The following FKBP11 variants were observed in gnomAD, a reference collection of about 807,000 sequenced individuals.
FKBP11 encodes the protein FKBP prolyl isomerase 11.
FKBP11 carries 21 observed loss-of-function variants against 24.7 expected under a neutral mutation model. The ratio of observed to expected loss-of-function variants is 0.85; its 90% CI spans 0.60 to 1.23. The LOEUF (loss-of-function observed/expected upper bound fraction) is 1.23, where lower values mean the gene tolerates loss of function less well. Ranked by LOEUF, FKBP11 falls within the 50% of genes most tolerant of loss-of-function variation. The pLI, the probability that FKBP11 is intolerant of heterozygous loss-of-function variation, is 0.00. For synonymous variants in FKBP11, 106 were observed against 100.6 expected (o/e 1.05, Z -0.32); for missense variants, 245 against 248.7 (o/e 0.99, Z 0.10).
chr12:48,930,456 T>G (rs1461344076), upstream of FKBP11, among the ~76,000 whole-genome samples: 1 of 152,250 alleles, frequency 6.6e-6, no homozygotes, highest in Non-Finnish European at 1.5e-5. Context: ...CAATAGAAAT[T>G]ACTTTGGTTA....
rs915930274 is a variant in FKBP11 at position 48,924,736 on chromosome 12, G to A, written c.196-88C>T. The A allele has an allele frequency of 2.0e-5, 31 of 1,570,654 alleles. 1 individual carries two copies. In the African/African-American group the frequency reaches 3.4e-4, roughly 17 times the overall value. On this transcript the variant is annotated intron_variant, in intron 2 of 5. Coordinates refer to ENST00000550765, the MANE Select transcript of FKBP11 (RefSeq NM_016594.3). ...CACACACCTGGACCGCTGGGCGGCG[G>A]CAGCCCCCTTAGTGCGGCAGCCTAG...
In FKBP11 at chr12:48,923,802, C is replaced by G. The variant is rs1939889801; in HGVS notation, c.368G>C (p.Gly123Ala). Residue 123 changes from glycine to alanine, a missense_variant, in exon 5 of 6, where the codon GGA (glycine) becomes GCA (alanine). Gly to Ala is a moderately conservative substitution (Grantham distance 60). Coordinates refer to ENST00000550765, the MANE Select transcript of FKBP11 (RefSeq NM_016594.3). Reference sequence around the variant, plus strand: ...ATTACCTGGGACAGATGGTGGAAATCCCCGTTTTCCATAGGCCAAGTGAGA... The same window carrying G: ...ATTACCTGGGACAGATGGTGGAAATGCCCGTTTTCCATAGGCCAAGTGAGA... ...IPSHLAYGKR[G>A]FPPSVPADAV... 6.2e-7 allele frequency: 1 copy of G among 1,613,942 alleles called. No individual in the cohort carries two copies. The highest frequency in any genetic ancestry group is 8.5e-7 in the Non-Finnish European group (1 of 1,179,998).
intron 3 of FKBP11, 62 bp downstream of exon 3, chr12:48,924,499 C>T (rs575568291): frequency 1.5e-5 from 22 of 1,493,764 alleles, no homozygotes; most frequent in South Asian, 6.8e-5. Context: ...GCTTTGGAGC[C>T]GAAGAGGCTA....
the FKBP11 span, chr12:48,931,651 A>G: frequency 1.7e-6 from 1 of 595,150 alleles, no homozygotes; most frequent in Non-Finnish European, 2.9e-6. Context: ...CTGGGCTTCC[A>G]AGACTCATGG....
the FKBP11 span, among the ~76,000 whole-genome samples, chr12:48,933,758 G>T: frequency 6.6e-6 from 1 of 150,810 alleles, no homozygotes; most frequent in Admixed American, 6.6e-5. Context: ...CCAGCAACTC[G>T]GAAAAGGCTG....
chr12:48,923,122 T>C, intron 5 of FKBP11: 1 of 1,088,294 alleles, frequency 9.2e-7, no homozygotes, highest in Admixed American at 4.4e-5. Flanking sequence ...CACTCCAGCC[T>C]GGGCAACAAG....
intron 5 of FKBP11, chr12:48,923,279 A>G: frequency 5.0e-6 from 7 of 1,393,646 alleles, no homozygotes; most frequent in Non-Finnish European, 6.5e-6. Context: ...CCCTTCAAAA[A>G]TAGACATCGG....
the FKBP11 span, among the ~76,000 whole-genome samples, chr12:48,932,763 G>A: frequency 6.6e-6 from 1 of 152,146 alleles, no homozygotes; most frequent in Non-Finnish European, 1.5e-5. Flanking sequence ...ATATGGGATG[G>A]AGGGGTGAAG....
chr12:48,923,018 C>T (rs773229109), intron 5 of FKBP11: 33 of 736,590 alleles, frequency 4.5e-5, no homozygotes, highest in Non-Finnish European at 6.3e-5. Context: ...CGTGGTGGCG[C>T]ATGCCTGTAA....
At chr12:48,923,619 AG>A (rs1183548459) in intron 5 of FKBP11, 162 bp downstream of exon 5, 1 of 1,556,454 alleles carries the variant, frequency 6.4e-7, no homozygotes, top group Middle Eastern at 1.7e-4. Context: ...TGGTGATATG[AG>A]GAGGAAAAAG....
the FKBP11 span, chr12:48,938,149 TG>T: frequency 3.0e-6 from 1 of 335,976 alleles, no homozygotes; most frequent in Non-Finnish European, 5.9e-6. Context: ...GGCATCTCCT[TG>T]GGAACAGTCA....
Position 48,925,447 on chromosome 12 carries a change from G to T in FKBP11, c.-19C>A. On this transcript the variant is annotated 5_prime_UTR_variant, in exon 1 of 6. Transcript: ENST00000550765. The stretch of plus-strand genomic sequence containing the variant: ...GGGTCATGACTGGGCGCGGGGCAGG[G>T]AGCCGGGGCACCAGGACAGGCTGTT... The T allele has an allele frequency of 6.5e-7, 1 of 1,549,708 alleles. No individual in the cohort carries two copies. The highest frequency in any genetic ancestry group is 8.7e-7 in the Non-Finnish European group (1 of 1,148,784).
chr12:48,925,000 G>A, intron 2 of FKBP11, 46 bp downstream of exon 2: 3 of 1,578,500 alleles, frequency 1.9e-6, no homozygotes, highest in Non-Finnish European at 2.6e-6. Flanking sequence ...TTTCAGCAGG[G>A]CGCCGCCCCC....
At chr12:48,923,887 GGA>G in intron 4 of FKBP11, 35 bp from the exon 5 acceptor site, 1 of 1,600,202 alleles carries the variant, frequency 6.2e-7, no homozygotes. Flanking sequence ...GCCAGAGGCA[GGA>G]GAGGTAGGCC....
At chr12:48,938,841 C>T in the FKBP11 span, 1 of 1,441,966 alleles carries the variant, frequency 6.9e-7, no homozygotes, top group Non-Finnish European at 9.4e-7. Flanking sequence ...ACATGATACC[C>T]AGGGCCCTGG....
chr12:48,923,824 G>A lies in FKBP11; in HGVS notation c.346C>T (p.His116Tyr). The A allele has an allele frequency of 6.2e-7, 1 of 1,614,140 alleles. No individual in the cohort carries two copies. The highest frequency in any genetic ancestry group is 8.5e-7 in the Non-Finnish European group (1 of 1,180,010). Reference protein sequence around the residue: ...GEKRRAIIPSHLAYGKRGFPP... With the variant: ...GEKRRAIIPSYLAYGKRGFPP... ...AATCCCCGTTTTCCATAGGCCAAGTGAGAAGGAATGATTGCCCTTCGCTTC... is the reference window on the plus strand; with the variant it reads ...AATCCCCGTTTTCCATAGGCCAAGTAAGAAGGAATGATTGCCCTTCGCTTC... The change falls in exon 5 of 6, where the codon CAC (histidine) becomes TAC (tyrosine). Residue 116 changes from histidine to tyrosine, a missense_variant. Transcript: ENST00000550765.
In FKBP11 at chr12:48,924,549, C is replaced by G. The variant is rs1390607084; in HGVS notation, c.283+12G>C. On this transcript the variant is annotated intron_variant, in intron 3 of 5. Transcript: ENST00000550765. ...TTGGGAAGAGGTGGAATGGGAGGCA[C>G]AGGTCACATACCTGGAATCACCTGC... The G allele has an allele frequency of 6.2e-7, 1 of 1,611,502 alleles. No homozygotes were observed. The highest frequency in any genetic ancestry group is 2.2e-5 in the East Asian group (1 of 44,848).
chr12:48,933,630 GGC>G, the FKBP11 span, among the ~76,000 whole-genome samples: 1 of 151,524 alleles, frequency 6.6e-6, no homozygotes, highest in Non-Finnish European at 1.5e-5. Flanking sequence ...GAACCTGAGA[GGC>G]AGAGGTTGCA....
Position 48,925,056 on chromosome 12 carries a change from A to C in FKBP11, c.185T>G (p.Ile62Arg), listed in dbSNP as rs761395463. 7.8e-6 allele frequency: 12 copies of C among 1,535,864 alleles called. No homozygotes were observed. The highest frequency in any genetic ancestry group is 3.5e-5 in the Admixed American group (2 of 57,928). Residue 62 changes from isoleucine (I) to arginine (R), a missense_variant, in exon 2 of 6, where the codon ATA (isoleucine) becomes AGA (arginine). By Grantham distance (97) the Ile-to-Arg change is moderately conservative. Transcript: ENST00000550765. ...CCCCAGACCCCTCACCGTGTAGTGT[A>C]TGTGAAGCGTGTCTCCAAAAGCAGC... is the stretch of plus-strand genomic sequence containing the variant. The part of the protein sequence containing the change: ...EPAAFGDTLH[I>R]HYTGSLVDGR...
Sources: gnomAD v4.1 joint callset for allele counts (sites outside exome capture counted in the v4.1 genomes callset) on GRCh38, gnomAD v4.1.1 for gene constraint, MANE v1.5 for transcripts, NCBI Gene and HGNC (gene_info 2026-07-23, HGNC 2026-07-21) for gene names.